SVOP: variants seen among roughly 807,000 people sequenced by gnomAD.
The protein encoded by SVOP is synaptic vesicle 2-related protein.
SVOP carries 17 observed loss-of-function variants against 69.1 expected under a neutral mutation model. The ratio of observed to expected loss-of-function variants is 0.25; its 90% CI spans 0.17 to 0.37. The LOEUF is 0.37. Among genes scored for constraint, SVOP ranks in the 10% least tolerant of loss-of-function variants. The probability of loss-of-function intolerance (pLI) is 1.00; values close to 1 mark genes in which losing one functional copy is unlikely to be tolerated. For synonymous variants in SVOP, 238 were observed against 238.6 expected (o/e 1.00, Z 0.02); for missense variants, 435 against 597.5 (o/e 0.73, Z 2.84).
chr12:108,933,776 G>A (rs1042431860), intron 11 of SVOP, among the ~76,000 whole-genome samples: 2 of 152,156 alleles, frequency 1.3e-5, no homozygotes, highest in African/African-American at 4.8e-5. Context: ...TAGTTTACCT[G>A]AGCTGGCTGA....
At chr12:108,982,501 CACT>C (rs2040142448) in intron 2 of SVOP, among the ~76,000 whole-genome samples, 1 of 147,792 alleles carries the variant, frequency 6.8e-6, no homozygotes, top group African/African-American at 2.5e-5. Context: ...TCATCACCAC[CACT>C]ATCATCACCA....
chr12:108,986,355 T>C (rs1356121530), intron 1 of SVOP, among the ~76,000 whole-genome samples: 1 of 152,218 alleles, frequency 6.6e-6, no homozygotes, highest in Non-Finnish European at 1.5e-5. Flanking sequence ...TCCTGGCCAA[T>C]GAGAGGGTAA....
In SVOP at chr12:109,004,436, G is replaced by A. The variant is rs192195287; in HGVS notation, c.35+16398C>T. 3.5e-4 allele frequency among the ~76,000 whole-genome samples: 48 copies of A among 138,302 alleles called. No individual in the cohort carries two copies. The East Asian group carries it at 9.8e-3, about 28-fold the overall frequency. The allele number at this position is 138,302 out of a possible 152,430, so 90.7% of individuals were successfully genotyped here. A position where few individuals can be genotyped will look rare whatever the true frequency, so the allele number is the denominator to read the frequency against. On this transcript the variant is annotated intron_variant, in intron 1 of 15. Coordinates refer to ENST00000610966, the MANE Select transcript of SVOP (RefSeq NM_018711.5). ...TTTTTTTTTTTTTTTTTTTGAGACA[G>A]GGTCTTACTCTGTTGCCCAAGTTTG...
chr12:108,922,828 G>A (rs779124705), intron 11 of SVOP, 31 bp from the exon 12 acceptor site: 3 of 1,475,114 alleles, frequency 2.0e-6, no homozygotes, highest in Non-Finnish European at 2.8e-6. Flanking sequence ...GAGAGGGGGA[G>A]ACATATACAG....
chr12:108,945,200 G>C, intron 6 of SVOP, 34 bp from the exon 7 acceptor site: 1 of 1,533,860 alleles, frequency 6.5e-7, no homozygotes, highest in Non-Finnish European at 8.7e-7. Flanking sequence ...AGGGAGTTAA[G>C]ATCAGAACTG....
intron 2 of SVOP, among the ~76,000 whole-genome samples, chr12:108,980,618 C>T (rs905598682): frequency 2.2e-5 from 3 of 133,526 alleles, no homozygotes; most frequent in African/African-American, 6.0e-5. Context: ...GGCGCGGTGG[C>T]GGGCGCCTGT....
chr12:108,974,286 T>C (rs139555271), intron 4 of SVOP, among the ~76,000 whole-genome samples: 3 of 152,336 alleles, frequency 2.0e-5, no homozygotes, highest in Non-Finnish European at 2.9e-5. Context: ...CATTAAGGGA[T>C]ACATTTCCAA....
At chr12:108,971,315 G>C (rs560718557) in intron 5 of SVOP, among the ~76,000 whole-genome samples, 1 of 151,974 alleles carries the variant, frequency 6.6e-6, no homozygotes, top group Non-Finnish European at 1.5e-5. Context: ...TGTAATCCCA[G>C]CTACTTGGGT....
chr12:108,924,532 T>C (rs2039768910), intron 11 of SVOP, among the ~76,000 whole-genome samples: 1 of 152,028 alleles, frequency 6.6e-6, no homozygotes, highest in African/African-American at 2.4e-5. Flanking sequence ...CAAAATATAT[T>C]AGAATAGGAT....
intron 5 of SVOP, among the ~76,000 whole-genome samples, chr12:108,962,431 T>G (rs945269091): frequency 4.6e-5 from 7 of 152,014 alleles, no homozygotes; most frequent in African/African-American, 1.7e-4. Flanking sequence ...AATGACTAGG[T>G]TATTTTATCT....
chr12:108,937,316 C>A lies in SVOP; in HGVS notation c.919G>T (p.Asp307Tyr). ...SRQEDRGKMR[D>Y]LFTPHFRWTT... ...CATCTAAAATGGGGTGTGAAAAGGT[C>A]CCTCATTTTGCCTCGGTCTTCCTGT... is the stretch of plus-strand genomic sequence containing the variant. Residue 307 changes from aspartate (D) to tyrosine (Y), a missense_variant, in exon 10 of 16, where the codon GAC (aspartate) becomes TAC (tyrosine). Coordinates refer to ENST00000610966, the MANE Select transcript of SVOP (RefSeq NM_018711.5). The A allele has an allele frequency of 6.2e-7, 1 of 1,613,938 alleles. No individual in the cohort carries two copies. The highest frequency in any genetic ancestry group is 8.5e-7 in the Non-Finnish European group (1 of 1,179,868).
At chr12:108,948,987 C>T (rs1375396256) in intron 6 of SVOP, among the ~76,000 whole-genome samples, 2 of 152,136 alleles carry the variant, frequency 1.3e-5, no homozygotes, top group Admixed American at 1.3e-4. Context: ...AACTACTAAT[C>T]ATGCAAAAAT....
intron 5 of SVOP, among the ~76,000 whole-genome samples, chr12:108,963,637 C>G (rs549256029): frequency 6.6e-6 from 1 of 152,134 alleles, no homozygotes; most frequent in Non-Finnish European, 1.5e-5. Flanking sequence ...CAGGTTTGCA[C>G]CACCATGGCC....
chr12:108,978,502 T>C (rs912429918), intron 3 of SVOP, 76 bp downstream of exon 3: 7 of 680,582 alleles, frequency 1.0e-5, no homozygotes, highest in Admixed American at 2.2e-5. Context: ...TGTCCTTCCT[T>C]GTAGGCCATG....
intron 6 of SVOP, among the ~76,000 whole-genome samples, chr12:108,950,529 T>C (rs1433320778): frequency 2.0e-5 from 3 of 152,118 alleles, no homozygotes; most frequent in Non-Finnish European, 1.5e-5. Context: ...ACTACAGGTG[T>C]GCACCACCAC....
At chr12:108,947,542 T>C (rs1471671711) in intron 6 of SVOP, among the ~76,000 whole-genome samples, 3 of 152,340 alleles carry the variant, frequency 2.0e-5, no homozygotes, top group East Asian at 3.9e-4. Context: ...TTTGGTCTCA[T>C]TATCCTCAAT....
At chr12:108,964,773 C>T (rs536608341) in intron 5 of SVOP, among the ~76,000 whole-genome samples, 11 of 152,238 alleles carry the variant, frequency 7.2e-5, no homozygotes, top group Non-Finnish European at 1.3e-4. Flanking sequence ...TCTGTTCTGC[C>T]CTCTATAGAT....
At chr12:108,940,715 C>T in intron 8 of SVOP, 69 bp downstream of exon 8, 1 of 1,511,630 alleles carries the variant, frequency 6.6e-7, no homozygotes, top group South Asian at 1.2e-5. Context: ...CCTATCCCCT[C>T]CCCACCAAAA....
chr12:108,996,888 C>T (rs1410414559), intron 1 of SVOP, among the ~76,000 whole-genome samples: 1 of 152,076 alleles, frequency 6.6e-6, no homozygotes, highest in South Asian at 2.1e-4. Flanking sequence ...GCTGTGATTA[C>T]ACCACTGCAC....
Sources: gnomAD v4.1 joint callset for allele counts (sites outside exome capture counted in the v4.1 genomes callset) on GRCh38, gnomAD v4.1.1 for gene constraint, MANE v1.5 for transcripts, NCBI Gene and HGNC (gene_info 2026-07-23, HGNC 2026-07-21) for gene names.